ETV5: variants seen among roughly 807,000 people sequenced by gnomAD.
ETV5 encodes the protein ETS variant transcription factor 5.
ETV5 carries 10 observed loss-of-function variants against 70.0 expected under a neutral mutation model. The ratio of observed to expected loss-of-function variants is 0.14; its 90% CI spans 0.09 to 0.24. The LOEUF (loss-of-function observed/expected upper bound fraction) is 0.24. Ranked by LOEUF, ETV5 falls within the 10% of genes least tolerant of loss-of-function variation. The pLI is 1.00. For synonymous variants in ETV5, 216 were observed against 242.2 expected, an observed-to-expected ratio of 0.89 and a Z score of 1.01; for missense variants, 453 against 651.2, an observed-to-expected ratio of 0.70 and a Z score of 3.31.
At position 186,048,016 on chromosome 3, in the gene ETV5, C is replaced by T. The variant is rs1345261373; in HGVS notation, c.*623G>A. On this transcript the variant is annotated 3_prime_UTR_variant, in exon 13 of 13. Transcript: ENST00000306376. Reference sequence around the variant, plus strand: ...TTGCTCTACTTGGCGACCACATGGCCGGGTGGTTCCCAAGAGTAGCCATGG... The same window carrying T: ...TTGCTCTACTTGGCGACCACATGGCTGGGTGGTTCCCAAGAGTAGCCATGG... The T allele has an allele frequency of 4.7e-5, 11 of 233,218 alleles. No individual in the cohort carries two copies. Among genetic ancestry groups the T allele is most frequent in the South Asian group, 1.8e-4 (1 of 5,512 alleles). 14.4% of individuals were successfully genotyped at this position (233,218 alleles called of 1,614,324 possible).
intron 7 of ETV5, among the ~76,000 whole-genome samples, chr3:186,067,556 G>A (rs1356002966): frequency 6.6e-6 from 1 of 151,772 alleles, no homozygotes; most frequent in Non-Finnish European, 1.5e-5. Context: ...AGGTTGCAGT[G>A]AGCCGAGATT....
rs1472928044 is a variant in ETV5 at position 186,046,543 on chromosome 3, G to C, written c.*2096C>G. The C allele has an allele frequency of 4.3e-6, 1 of 231,790 alleles. No individual in the cohort carries two copies. The highest frequency in any genetic ancestry group is 8.5e-6 in the Non-Finnish European group (1 of 117,394). 14.4% of individuals were successfully genotyped at this position (231,790 alleles called of 1,614,324 possible). A position where few individuals can be genotyped will look rare whatever the true frequency, so the allele number is the denominator to read the frequency against. ...TCCGGGAGGTGCATGAGTCCAATGG[G>C]AATGCAACCGTGATGCCGCTGTCCT... On this transcript the variant is annotated 3_prime_UTR_variant, in exon 13 of 13. Transcript: ENST00000306376.
Position 186,054,305 on chromosome 3 carries a change from A to T in ETV5, c.1210-2174T>A, listed in dbSNP as rs1413823980. 6.6e-6 allele frequency among the ~76,000 whole-genome samples: 1 copy of T among 152,108 alleles called. No individual in the cohort carries two copies. The highest frequency in any genetic ancestry group is 1.5e-5 in the Non-Finnish European group (1 of 68,018). On this transcript the variant is annotated intron_variant, in intron 11 of 12. Coordinates refer to ENST00000306376, the MANE Select transcript of ETV5 (RefSeq NM_004454.3). The surrounding 1 kb of genome is among the most constrained non-coding windows in gnomAD (Gnocchi z 4.4). ...TACTTTGGTAGCACGTATCTTGAGG[A>T]CTGAGGCTGAAGGAGTTAACGGATC...
At chr3:186,079,595 A>G (rs971618119) in intron 7 of ETV5, among the ~76,000 whole-genome samples, 1 of 152,192 alleles carries the variant, frequency 6.6e-6, no homozygotes, top group Non-Finnish European at 1.5e-5. Flanking sequence ...TACCTACTTT[A>G]TAAGGATGTC....
intron 9 of ETV5, among the ~76,000 whole-genome samples, chr3:186,059,297 A>G (rs1174155590): frequency 1.3e-5 from 2 of 152,208 alleles, no homozygotes; most frequent in South Asian, 2.1e-4. Flanking sequence ...TGTCATTTAT[A>G]TATTATTTAA....
At chr3:186,079,114 C>G (rs1421572160) in intron 7 of ETV5, 2 of 1,061,846 alleles carry the variant, frequency 1.9e-6, no homozygotes, top group East Asian at 5.0e-5. Flanking sequence ...AAGACAGGCC[C>G]CCAGCACATC....
At chr3:186,101,270 ATGGCAGTTTTCTTT>A (rs1382429729) in intron 5 of ETV5, among the ~76,000 whole-genome samples, 2 of 152,148 alleles carry the variant, frequency 1.3e-5, no homozygotes, top group Non-Finnish European at 2.9e-5. Flanking sequence ...TCTAGGAAAC[ATGGCAGTTTTCTTT>A]TGTTTTCGTT....
chr3:186,108,991 CT>C lies in ETV5; in HGVS notation c.-127del, dbSNP rs1200521558. On this transcript the variant is annotated 5_prime_UTR_variant, in exon 1 of 13. Transcript: ENST00000306376. ...CAGCGGCCCCGGCGGCGCAGGCGCG[CT>C]CACGCACGCGCGCAGCGGGCCTGGG... is the stretch of plus-strand genomic sequence containing the variant. The C allele has an allele frequency of 1.3e-5, 2 of 154,374 alleles. No individual in the cohort carries two copies. Among genetic ancestry groups the C allele is most frequent in the Non-Finnish European group, 2.9e-5 (2 of 69,312 alleles). 9.6% of individuals were successfully genotyped at this position (154,374 alleles called of 1,614,324 possible).
At chr3:186,084,255 C>T in intron 5 of ETV5, 1 of 425,056 alleles carries the variant, frequency 2.4e-6, no homozygotes, top group Non-Finnish European at 4.6e-6. Flanking sequence ...GGATCATGAA[C>T]TCTTGAGGAA....
intron 7 of ETV5, among the ~76,000 whole-genome samples, chr3:186,073,279 A>G (rs754977697): frequency 2.0e-5 from 3 of 152,254 alleles, no homozygotes; most frequent in African/African-American, 7.2e-5. Context: ...GTCCTTTAGT[A>G]TAGTTTATGT....
At position 186,054,145 on chromosome 3, in the gene ETV5, ACCACGGCTGTTCCTT is replaced by A. The variant is rs1713101286; in HGVS notation, c.1210-2029_1210-2015del. 1.3e-5 allele frequency among the ~76,000 whole-genome samples: 2 copies of A among 152,218 alleles called. No homozygotes were observed. Among genetic ancestry groups the A allele is most frequent in the Non-Finnish European group, 2.9e-5 (2 of 68,044 alleles). ...AGAGCCCTGTGATTCTGTAGCCCTC[ACCACGGCTGTTCCTT>A]CTACAGTAATGCATGAGGCGGCTCA... On this transcript the variant is annotated intron_variant, in intron 11 of 12. Coordinates refer to ENST00000306376, the MANE Select transcript of ETV5 (RefSeq NM_004454.3). The surrounding 1 kb of genome is among the most constrained non-coding windows in gnomAD (Gnocchi z 4.4).
At chr3:186,061,056 C>A (rs969239921) in intron 9 of ETV5, among the ~76,000 whole-genome samples, 6 of 152,188 alleles carry the variant, frequency 3.9e-5, no homozygotes, top group Non-Finnish European at 8.8e-5. Context: ...CCCAGTGAAA[C>A]AACACTCGGT....
intron 7 of ETV5, among the ~76,000 whole-genome samples, chr3:186,075,562 C>G (rs1403772067): frequency 6.6e-6 from 1 of 152,144 alleles, no homozygotes; most frequent in Non-Finnish European, 1.5e-5. Context: ...AAACTTAGCC[C>G]ATCCCTTTAA....
At chr3:186,062,975 T>G (rs921492513) in intron 9 of ETV5, among the ~76,000 whole-genome samples, 1 of 152,128 alleles carries the variant, frequency 6.6e-6, no homozygotes, top group African/African-American at 2.4e-5. Context: ...AAAGTTTATA[T>G]TTGAAAGAAA....
chr3:186,080,657 G>A (rs1713910778), intron 6 of ETV5: 2 of 231,238 alleles, frequency 8.6e-6, no homozygotes, highest in Admixed American at 1.1e-4. Context: ...CAAGCTTCAA[G>A]ACTTTTTCAT....
intron 5 of ETV5, among the ~76,000 whole-genome samples, chr3:186,099,668 C>T (rs190490481): frequency 8.3e-4 from 127 of 152,198 alleles, no homozygotes; most frequent in African/African-American, 3.0e-3. Flanking sequence ...AACAATGATA[C>T]TACTAGATGG....
chr3:186,051,429 T>A (rs1175070282), intron 12 of ETV5, among the ~76,000 whole-genome samples: 1 of 152,232 alleles, frequency 6.6e-6, no homozygotes, highest in Non-Finnish European at 1.5e-5. Flanking sequence ...TTGCTACCTA[T>A]CCCACGAAGA....
At chr3:186,104,773 G>A (rs560317232) in intron 5 of ETV5, among the ~76,000 whole-genome samples, 5 of 131,734 alleles carry the variant, frequency 3.8e-5, no homozygotes, top group Non-Finnish European at 7.8e-5. Flanking sequence ...ATGGAGTCTT[G>A]CTCTGTTGCC....
At chr3:186,059,396 C>A (rs1481314113) in intron 9 of ETV5, among the ~76,000 whole-genome samples, 4 of 152,132 alleles carry the variant, frequency 2.6e-5, no homozygotes, top group Non-Finnish European at 4.4e-5. Context: ...ATGGAGCCTG[C>A]ATCTCAACTG....
Sources: allele counts gnomAD v4.1 joint callset (sites outside exome capture counted in the v4.1 genomes callset), GRCh38; gene constraint gnomAD v4.1.1; non-coding constraint Gnocchi (gnomAD v3.1); transcripts MANE v1.5; gene names NCBI Gene and HGNC (gene_info 2026-07-23, HGNC 2026-07-21).